Variants in USHBP1 observed in about 807,000 individuals in gnomAD.
The protein encoded by USHBP1 is USH1 protein network component harmonin binding protein 1, also known as harmonin-binding protein USHBP1.
Under a neutral mutation model 76.2 loss-of-function variants are expected in USHBP1, and 67 were observed. The ratio of observed to expected loss-of-function variants is 0.88; its 90% CI spans 0.72 to 1.08. USHBP1 has a LOEUF of 1.08. Among genes scored for constraint, USHBP1 ranks in the 50% least tolerant of loss-of-function variants. The pLI is 0.00. For missense variants in USHBP1, 931 were observed against 915.0 expected (o/e 1.02, Z -0.23); for synonymous variants, 322 against 362.2 (o/e 0.89, Z 1.26).
intron 8 of USHBP1, 149 bp downstream of exon 8, chr19:17,258,063 T>G: frequency 9.4e-7 from 1 of 1,061,852 alleles, no homozygotes; most frequent in Non-Finnish European, 1.4e-6. Context: ...CAGTTGAGCC[T>G]CATGTCAACC....
chr19:17,256,766 G>C (rs769616993), intron 8 of USHBP1, 46 bp from the exon 9 acceptor site: 6 of 1,611,964 alleles, frequency 3.7e-6, no homozygotes, highest in Non-Finnish European at 5.1e-6. Context: ...GGCAGGCATA[G>C]GTGGGTTAAG....
Position 17,259,144 on chromosome 19 carries a change from AAC to A in USHBP1, c.1046+143_1046+144del, listed in dbSNP as rs764264859. ...CTCACCACTGCACTCCAGCCTGGGC[AAC>A]ACAGCGAGATTCTGTCTCAAAAAAA... is the stretch of plus-strand genomic sequence containing the variant. On this transcript the variant is annotated intron_variant, in intron 7 of 12. Coordinates refer to ENST00000252597, the MANE Select transcript of USHBP1 (RefSeq NM_031941.4). 3 of 1,210,304 alleles carry A rather than the reference AAC, an allele frequency of 2.5e-6. No individual in the cohort carries two copies. The East Asian group carries it at 8.0e-5, about 32-fold the overall frequency. The allele number at this position is 1,210,304 out of a possible 1,614,324, so 75.0% of individuals were successfully genotyped here. A position where few individuals can be genotyped will look rare whatever the true frequency, so the allele number is the denominator to read the frequency against.
chr19:17,255,473 C>G lies in USHBP1; in HGVS notation c.1604G>C (p.Arg535Pro), dbSNP rs375541213. The G allele has an allele frequency of 1.2e-6, 2 of 1,614,052 alleles. No homozygotes were observed. Among genetic ancestry groups the G allele is most frequent in the Non-Finnish European group, 1.7e-6 (2 of 1,179,966 alleles). ...VLLLEQLRWE[R>P]AELQAGGANS... is the part of the protein sequence containing the mutation. ...TGCCCCACCAGCCTGGAGCTCTGCC[C>G]GTTCCCACCGCAGCTGCTCCAGCAG... Residue 535 changes from arginine to proline, a missense_variant, in exon 10 of 13, where the codon CGG (arginine) becomes CCG (proline). Transcript: ENST00000252597.
In USHBP1 at chr19:17,255,384, C is replaced by A. The variant is rs760159491; in HGVS notation, c.1692+1G>T. Reference sequence around the variant, plus strand: ...TACCAGGTTCAGGCAGGGCAGCTCACCTGATACCACTCTTCCTCGTCCCCG... The same window carrying A: ...TACCAGGTTCAGGCAGGGCAGCTCAACTGATACCACTCTTCCTCGTCCCCG... On this transcript the variant is annotated splice_donor_variant, in intron 10 of 12. Transcript: ENST00000252597. LOFTEE classifies it high-confidence loss of function. 1.5e-5 allele frequency: 24 copies of A among 1,613,554 alleles called. No individual in the cohort carries two copies. The highest frequency in any genetic ancestry group is 2.0e-5 in the Non-Finnish European group (24 of 1,179,634).
rs754136413 is a variant in USHBP1, at chr19:17,263,992, C to A, written c.203+10G>T. The A allele has an allele frequency of 1.3e-6, 2 of 1,559,638 alleles. No individual in the cohort carries two copies. Among genetic ancestry groups the A allele is most frequent in the Admixed American group, 3.8e-5 (2 of 52,916 alleles). On this transcript the variant is annotated intron_variant, in intron 3 of 12. Coordinates refer to ENST00000252597, the MANE Select transcript of USHBP1 (RefSeq NM_031941.4). ...ACTGGAGTGAAGGGCACAGACCAAG[C>A]GGGTCTTACCTGCTTCCTAGGCCTT... is the stretch of plus-strand genomic sequence containing the variant.
chr19:17,263,101 G>A (rs187273603), intron 3 of USHBP1, 111 bp from the exon 4 acceptor site: 225 of 1,157,288 alleles, frequency 1.9e-4, no homozygotes, highest in Admixed American at 1.4e-3. Context: ...GCAGTGGCGC[G>A]ATCTCGGCTC....
At chr19:17,259,488 A>G in intron 6 of USHBP1, 59 bp from the exon 7 acceptor site, 1 of 1,609,202 alleles carries the variant, frequency 6.2e-7, no homozygotes. Context: ...GTCAGGCCTC[A>G]ATTTCCACCC....
In USHBP1 at chr19:17,264,105, C is replaced by T. The variant is rs781055438; in HGVS notation, c.100G>A (p.Ala34Thr). ...AAGCTGGGCTTGGAGCTCCCACTGG[C>T]TGCCTCGACCTCCTCTGAACTCTCA... The part of the protein sequence containing the change: ...VAESSEEVEA[A>T]SGSSKPSFAP... The change falls in exon 3 of 13, where the codon GCC (alanine) becomes ACC (threonine). Residue 34 changes from alanine (A) to threonine (T), a missense_variant. By Grantham distance (58) the Ala-to-Thr change is moderately conservative. Coordinates refer to ENST00000252597, the MANE Select transcript of USHBP1 (RefSeq NM_031941.4). 1.9e-6 allele frequency: 3 copies of T among 1,614,118 alleles called. No individual in the cohort carries two copies. The highest frequency in any genetic ancestry group is 2.5e-6 in the Non-Finnish European group (3 of 1,179,980).
chr19:17,256,275 A>C (rs956261707), intron 9 of USHBP1, among the ~76,000 whole-genome samples, 196 bp downstream of exon 9: 6 of 152,018 alleles, frequency 3.9e-5, no homozygotes. Context: ...GGAGAGCCAG[A>C]TTTGTAGTCT....
chr19:17,263,615 AC>A (rs2073717087), intron 3 of USHBP1: 1 of 173,224 alleles, frequency 5.8e-6, no homozygotes, highest in South Asian at 1.7e-4. Flanking sequence ...GCGGCGGCTT[AC>A]ACTTGTAATC....
intron 9 of USHBP1, among the ~76,000 whole-genome samples, chr19:17,256,135 T>C (rs949053009): frequency 2.6e-5 from 4 of 152,156 alleles, no homozygotes; most frequent in Non-Finnish European, 1.5e-5. Flanking sequence ...GTAGCTTACA[T>C]AGGTCAAGTA....
intron 3 of USHBP1, 97 bp downstream of exon 3, chr19:17,263,905 T>G: frequency 7.2e-7 from 1 of 1,394,116 alleles, no homozygotes; most frequent in African/African-American, 1.5e-5. Flanking sequence ...TAGGGAGCTA[T>G]GGTAGGTGTG....
Position 17,251,958 on chromosome 19 carries a change from G to A in USHBP1, c.1752C>T (p.Ala584=), listed in dbSNP as rs1045897485. 4.5e-6 allele frequency: 7 copies of A among 1,548,984 alleles called. No individual in the cohort carries two copies. In the Admixed American group the frequency reaches 7.8e-5, roughly 17 times the overall value. Reference sequence around the variant, plus strand: ...CCTGGGCTAACTTCTCTGGGTCCCAGGCTCTGCCCACCTGGCCACCATCAA... The same window carrying A: ...CCTGGGCTAACTTCTCTGGGTCCCAAGCTCTGCCCACCTGGCCACCATCAA... The part of the protein sequence containing the change: ...SGIDGGQVGR[A]WDPEKLAQEL... Residue 584 remains alanine, a synonymous_variant, in exon 11 of 13, where the codon GCC becomes GCT. Transcript: ENST00000252597.
At position 17,251,573 on chromosome 19, in the gene USHBP1, C is replaced by G; in HGVS notation, c.1922+9G>C. 5 of 1,613,638 alleles carry G rather than the reference C, an allele frequency of 3.1e-6. No homozygotes were observed. Among genetic ancestry groups the G allele is most frequent in the Non-Finnish European group, 4.2e-6 (5 of 1,179,810 alleles). ...CCAGGGGGATTGGGGGGATGCAGAACAGTCCTACCTGTGGGCTTTGCATAA... is the reference window on the plus strand; with the variant it reads ...CCAGGGGGATTGGGGGGATGCAGAAGAGTCCTACCTGTGGGCTTTGCATAA... On this transcript the variant is annotated intron_variant, in intron 12 of 12. Transcript: ENST00000252597.
intron 10 of USHBP1, among the ~76,000 whole-genome samples, chr19:17,253,911 A>G (rs1011049175): frequency 2.0e-5 from 3 of 146,390 alleles, no homozygotes; most frequent in African/African-American, 7.5e-5. Context: ...AAAAAAAAAG[A>G]AAAAAAAAAT....
chr19:17,251,794 T>C, intron 11 of USHBP1, 90 bp from the exon 12 acceptor site: 2 of 1,592,966 alleles, frequency 1.3e-6, no homozygotes, highest in Non-Finnish European at 1.7e-6. Flanking sequence ...AGTATTGTCA[T>C]GTAAACACAC....
In USHBP1 at chr19:17,249,987, G is replaced by GC. The variant is rs1435554330; in HGVS notation, c.*237dup. 1 of 548,814 alleles carries GC rather than the reference G, an allele frequency of 1.8e-6. No homozygotes were observed. Among genetic ancestry groups the GC allele is most frequent in the African/African-American group, 2.0e-5 (1 of 51,044 alleles). 34.0% of individuals were successfully genotyped at this position (548,814 alleles called of 1,614,324 possible). On this transcript the variant is annotated 3_prime_UTR_variant, in exon 13 of 13. Coordinates refer to ENST00000252597, the MANE Select transcript of USHBP1 (RefSeq NM_031941.4). ...GGTCCCATAGCCCAGGTTGCTTCTGGCCTGACCCCACTGATATGAAGTTCA... is the reference window on the plus strand; with the variant it reads ...GGTCCCATAGCCCAGGTTGCTTCTGGCCCTGACCCCACTGATATGAAGTTCA...
chr19:17,250,026 G>C lies in USHBP1; in HGVS notation c.*199C>G. The C allele has an allele frequency of 1.6e-6, 1 of 614,424 alleles. No individual in the cohort carries two copies. Among genetic ancestry groups the C allele is most frequent in the Non-Finnish European group, 2.8e-6 (1 of 361,484 alleles). 38.1% of individuals were successfully genotyped at this position (614,424 alleles called of 1,614,324 possible). A position where few individuals can be genotyped will look rare whatever the true frequency, so the allele number is the denominator to read the frequency against. ...ATATGAAGTTCACATTCCACTTGGT[G>C]CCAGGCCAAAGACACCTGAGTCTTT... On this transcript the variant is annotated 3_prime_UTR_variant, in exon 13 of 13. Transcript: ENST00000252597.
At chr19:17,250,808 C>T (rs567566404) in intron 12 of USHBP1, among the ~76,000 whole-genome samples, 1 of 152,140 alleles carries the variant, frequency 6.6e-6, no homozygotes, top group African/African-American at 2.4e-5. Flanking sequence ...CCTGCCTCAG[C>T]CTCCCAAAGT....
Sources: allele counts gnomAD v4.1 joint callset (sites outside exome capture counted in the v4.1 genomes callset), GRCh38; gene constraint gnomAD v4.1.1; transcripts MANE v1.5; gene names NCBI Gene and HGNC (gene_info 2026-07-23, HGNC 2026-07-21).